IL1RAPL2: variants seen among roughly 807,000 people sequenced by gnomAD.
IL1RAPL2 encodes the protein X-linked interleukin-1 receptor accessory protein-like 2.
IL1RAPL2 carries 3 observed loss-of-function variants against 44.1 expected under a neutral mutation model. That is an observed-to-expected ratio of 0.07 (90% CI 0.03 to 0.18). IL1RAPL2 has a LOEUF of 0.18. Ranked by LOEUF, IL1RAPL2 falls within the 10% of genes least tolerant of loss-of-function variation. The pLI is 1.00. For missense variants in IL1RAPL2, 391 were observed against 496.4 expected (o/e 0.79, Z 2.02); for synonymous variants, 181 against 178.8 (o/e 1.01, Z -0.10).
chrX:105,744,007 T>C (rs1183706522), intron 8 of IL1RAPL2, among the ~76,000 whole-genome samples: 2 of 111,955 alleles, frequency 1.8e-5, no homozygotes, highest in Non-Finnish European at 3.8e-5. Flanking sequence ...AATCAAAACA[T>C]AGACCAGAGA....
At chrX:105,668,268 A>G (rs1251661136) in intron 6 of IL1RAPL2, among the ~76,000 whole-genome samples, 1 of 112,386 alleles carries the variant, frequency 8.9e-6, no homozygotes, top group African/African-American at 3.2e-5. Flanking sequence ...CTCCAGCCCA[A>G]ACTCTCATAC....
At chrX:105,242,147 T>C (rs1288108429) in intron 4 of IL1RAPL2, among the ~76,000 whole-genome samples, 1 of 111,894 alleles carries the variant, frequency 8.9e-6, no homozygotes, top group Non-Finnish European at 1.9e-5. Flanking sequence ...TAGAATCTAA[T>C]GGCTCTAAAG....
chrX:104,688,736 A>G (rs759678629), intron 2 of IL1RAPL2, among the ~76,000 whole-genome samples: 1 of 112,075 alleles, frequency 8.9e-6, no homozygotes, highest in Non-Finnish European at 1.9e-5. Context: ...GATTGGTAAC[A>G]GTTGAGGATT....
chrX:105,217,137 A>G (rs1556167298), intron 3 of IL1RAPL2, among the ~76,000 whole-genome samples: 1 of 108,022 alleles, frequency 9.3e-6, no homozygotes, highest in Non-Finnish European at 1.9e-5. Context: ...TCTGCACAGC[A>G]AAAGAAACTA....
intron 4 of IL1RAPL2, among the ~76,000 whole-genome samples, chrX:105,259,223 G>T (rs1403752027): frequency 9.0e-6 from 1 of 111,616 alleles, no homozygotes; most frequent in African/African-American, 3.3e-5. Context: ...AAGATTTAGG[G>T]TGTGATCCAG....
intron 2 of IL1RAPL2, among the ~76,000 whole-genome samples, chrX:104,944,814 G>A (rs2147705067): frequency 9.0e-6 from 1 of 111,248 alleles, no homozygotes; most frequent in Non-Finnish European, 1.9e-5. Flanking sequence ...TATCTTAGAG[G>A]AGACATTAAT....
chrX:104,965,525 G>C (rs2030101996), intron 2 of IL1RAPL2, among the ~76,000 whole-genome samples: 1 of 111,234 alleles, frequency 9.0e-6, no homozygotes, highest in Non-Finnish European at 1.9e-5. Flanking sequence ...GGTCTTGTAG[G>C]ATTCTTAAAC....
chrX:104,967,100 G>A (rs1350269274), intron 2 of IL1RAPL2, among the ~76,000 whole-genome samples: 2 of 111,684 alleles, frequency 1.8e-5, no homozygotes, highest in African/African-American at 6.5e-5. Flanking sequence ...GTAGTAATTA[G>A]AAAATACATA....
intron 5 of IL1RAPL2, among the ~76,000 whole-genome samples, chrX:105,332,563 G>A (rs1695905864): frequency 9.0e-6 from 1 of 111,343 alleles, no homozygotes; most frequent in Non-Finnish European, 1.9e-5. Flanking sequence ...AAACTGGAAA[G>A]GAAGAAGTAA....
At chrX:105,720,219 T>C (rs1353753931) in intron 7 of IL1RAPL2, among the ~76,000 whole-genome samples, 2 of 111,908 alleles carry the variant, frequency 1.8e-5, no homozygotes, top group East Asian at 2.8e-4. Flanking sequence ...CAGAGTATAA[T>C]TGACATATAA....
chrX:104,797,667 C>A (rs1752107649), intron 2 of IL1RAPL2, among the ~76,000 whole-genome samples: 1 of 111,958 alleles, frequency 8.9e-6, no homozygotes, highest in Admixed American at 9.5e-5. Context: ...GAGGTAGATT[C>A]ATTCTCAAAT....
intron 6 of IL1RAPL2, among the ~76,000 whole-genome samples, chrX:105,539,679 CTAAT>C (rs2036705415): frequency 9.0e-6 from 1 of 111,534 alleles, no homozygotes; most frequent in South Asian, 3.8e-4. Flanking sequence ...CAAGTGGTAT[CTAAT>C]TAAACTAAAG....
At chrX:104,691,625 T>C (rs1313343999) in intron 2 of IL1RAPL2, among the ~76,000 whole-genome samples, 1 of 112,006 alleles carries the variant, frequency 8.9e-6, no homozygotes, top group African/African-American at 3.2e-5. Flanking sequence ...TTTGTTTAGC[T>C]TTATAGACAG....
At chrX:105,580,370 T>G (rs1430342543) in intron 6 of IL1RAPL2, among the ~76,000 whole-genome samples, 2 of 107,499 alleles carry the variant, frequency 1.9e-5, no homozygotes, top group Non-Finnish European at 3.9e-5. Flanking sequence ...GTGTTTTTTT[T>G]TTTTTTTTTT....
intron 2 of IL1RAPL2, among the ~76,000 whole-genome samples, chrX:105,019,443 G>C (rs1405865208): frequency 9.0e-6 from 1 of 111,278 alleles, no homozygotes; most frequent in East Asian, 2.8e-4. Flanking sequence ...ACATATATTA[G>C]CAATTAGAAA....
chrX:104,591,763 A>G (rs747063015), intron 1 of IL1RAPL2, among the ~76,000 whole-genome samples: 2 of 110,594 alleles, frequency 1.8e-5, no homozygotes, highest in East Asian at 2.8e-4. Context: ...TGAAGGTCAG[A>G]TAACACTGTG....
intron 2 of IL1RAPL2, among the ~76,000 whole-genome samples, chrX:104,919,694 C>CT (rs56245942): frequency 5.4e-5 from 5 of 92,139 alleles, no homozygotes; most frequent in African/African-American, 2.0e-4. Context: ...ACCACACCCA[C>CT]TTTTTTTTTT....
intron 2 of IL1RAPL2, among the ~76,000 whole-genome samples, chrX:104,779,967 T>C (rs949962814): frequency 9.0e-6 from 1 of 111,472 alleles, no homozygotes; most frequent in Non-Finnish European, 1.9e-5. Context: ...AAGAAAATAT[T>C]TGGCCCCTGA....
At chrX:105,035,636 A>C (rs191443224) in intron 2 of IL1RAPL2, among the ~76,000 whole-genome samples, 1 of 112,359 alleles carries the variant, frequency 8.9e-6, no homozygotes, top group South Asian at 3.6e-4. Context: ...TTTATATCCC[A>C]TGGAACTAAT....
Sources: gnomAD v4.1 joint callset for allele counts (sites outside exome capture counted in the v4.1 genomes callset) on GRCh38, gnomAD v4.1.1 for gene constraint, MANE v1.5 for transcripts, NCBI Gene and HGNC (gene_info 2026-07-23, HGNC 2026-07-21) for gene names.